Variants in KAT6B observed in about 807,000 individuals in gnomAD.
KAT6B encodes the protein lysine acetyltransferase 6B.
KAT6B carries 10 observed loss-of-function variants against 187.5 expected under a neutral mutation model. That is an observed-to-expected ratio of 0.05 (90% CI 0.03 to 0.09). KAT6B has a LOEUF of 0.09. Among genes scored for constraint, KAT6B ranks in the 10% least tolerant of loss-of-function variants. KAT6B has a pLI of 1.00. For missense variants in KAT6B, 1,952 were observed against 2,558.9 expected (o/e 0.76, Z 5.12); for synonymous variants, 861 against 926.8 (o/e 0.93, Z 1.29).
At chr10:74,941,912 C>T (rs886153320) in intron 3 of KAT6B, among the ~76,000 whole-genome samples, 5 of 152,108 alleles carry the variant, frequency 3.3e-5, no homozygotes, top group Non-Finnish European at 7.3e-5. Flanking sequence ...GAGGCCGAGG[C>T]GGGCAGATCA....
At chr10:74,864,023 T>A (rs529547678) in intron 3 of KAT6B, among the ~76,000 whole-genome samples, 26 of 152,216 alleles carry the variant, frequency 1.7e-4, no homozygotes, top group Non-Finnish European at 2.9e-4. Flanking sequence ...AGTGCTTATA[T>A]TTTTATGAGT....
At chr10:74,839,476 C>T (rs1322792884) in intron 2 of KAT6B, among the ~76,000 whole-genome samples, 2 of 152,076 alleles carry the variant, frequency 1.3e-5, no homozygotes, top group African/African-American at 2.4e-5. Context: ...GGGTGATCCA[C>T]CCGCCTTGGC....
At chr10:74,972,475 A>G in intron 6 of KAT6B, 32 bp from the exon 7 acceptor site, 3 of 1,447,830 alleles carry the variant, frequency 2.1e-6, no homozygotes, top group Non-Finnish European at 2.9e-6. Context: ...ATGAAACATT[A>G]AAATATTTTT....
At chr10:74,829,901 C>T (rs1442824331) in intron 1 of KAT6B, among the ~76,000 whole-genome samples, 1 of 151,330 alleles carries the variant, frequency 6.6e-6, no homozygotes, top group Non-Finnish European at 1.5e-5. Flanking sequence ...GCCTGTAGTC[C>T]CAGCTGCTCA....
At chr10:74,827,375 T>G (rs909223337) in intron 1 of KAT6B, 2 of 151,152 alleles carry the variant, frequency 1.3e-5, no homozygotes, top group African/African-American at 2.5e-5. Context: ...AGTGTTGGGT[T>G]TGGGGAGGCG....
At chr10:74,876,494 T>C (rs1464676414) in intron 3 of KAT6B, among the ~76,000 whole-genome samples, 2 of 152,252 alleles carry the variant, frequency 1.3e-5, no homozygotes, top group Non-Finnish European at 2.9e-5. Flanking sequence ...TTACACAGAA[T>C]TATTTCTCAA....
chr10:74,832,489 G>A (rs561187387), intron 1 of KAT6B, among the ~76,000 whole-genome samples: 1 of 152,032 alleles, frequency 6.6e-6, no homozygotes, highest in South Asian at 2.1e-4. Context: ...AGATTTTTTG[G>A]TATCTTCATT....
At chr10:74,864,101 C>G (rs1262223253) in intron 3 of KAT6B, among the ~76,000 whole-genome samples, 1 of 152,188 alleles carries the variant, frequency 6.6e-6, no homozygotes, top group African/African-American at 2.4e-5. Context: ...CAGGGTCTCT[C>G]TCTTTCAGCC....
At chr10:74,844,579 A>G (rs756006090) in intron 3 of KAT6B, among the ~76,000 whole-genome samples, 4 of 152,092 alleles carry the variant, frequency 2.6e-5, no homozygotes, top group Non-Finnish European at 5.9e-5. Context: ...TTTATTGTCC[A>G]CTTCTCTGTG....
At position 75,030,586 on chromosome 10, in the gene KAT6B, G is replaced by C; in HGVS notation, c.5762G>C (p.Gly1921Ala). Residue 1921 changes from glycine to alanine, a missense_variant, in exon 18 of 18, where the codon GGC becomes GCC. By Grantham distance (60) the Gly-to-Ala change is moderately conservative. Transcript: ENST00000287239. This position sits in a 1 kb window ranked among gnomAD's most constrained non-coding sequence, Gnocchi z 4.8. The part of the protein sequence containing the change: ...QRLQTQIASK[G>A]HISMRTKSAS... The stretch of plus-strand genomic sequence containing the variant: ...CTGCAAACCCAGATTGCCAGCAAGG[G>C]CCACATCTCCATGAGAACCAAGTCA... 6.2e-7 allele frequency: 1 copy of C among 1,610,936 alleles called. No individual in the cohort carries two copies. Among genetic ancestry groups the C allele is most frequent in the South Asian group, 1.1e-5 (1 of 91,042 alleles).
At chr10:74,945,694 C>G (rs1252310589) in intron 3 of KAT6B, among the ~76,000 whole-genome samples, 1 of 152,162 alleles carries the variant, frequency 6.6e-6, no homozygotes, top group Non-Finnish European at 1.5e-5. Context: ...AAGTGATCCG[C>G]CCGCCTCAGC....
intron 13 of KAT6B, among the ~76,000 whole-genome samples, chr10:75,001,064 C>G (rs762172901): frequency 1.3e-5 from 2 of 152,098 alleles, no homozygotes; most frequent in African/African-American, 2.4e-5. Flanking sequence ...CCCTGCCCCC[C>G]ACACACATAT....
intron 3 of KAT6B, among the ~76,000 whole-genome samples, chr10:74,945,723 T>C (rs1839902321): frequency 6.6e-6 from 1 of 152,110 alleles, no homozygotes; most frequent in Admixed American, 6.5e-5. Context: ...GTGCTGGGAT[T>C]ACAGGCATGA....
chr10:74,902,001 C>T (rs1846433726), intron 3 of KAT6B, among the ~76,000 whole-genome samples: 1 of 152,044 alleles, frequency 6.6e-6, no homozygotes, highest in South Asian at 2.1e-4. Context: ...TCTCCTTGTC[C>T]TCCTGTCCAC....
intron 13 of KAT6B, among the ~76,000 whole-genome samples, chr10:75,010,526 A>G (rs1844521922): frequency 6.6e-6 from 1 of 152,168 alleles, no homozygotes; most frequent in South Asian, 2.1e-4. Flanking sequence ...ATTACAACAT[A>G]CTTTGTCCTA....
At position 75,031,179 on chromosome 10, in the gene KAT6B, A is replaced by T. The variant is rs865808228; in HGVS notation, c.*133A>T. The T allele has an allele frequency of 3.7e-5, 27 of 738,004 alleles. No homozygotes were observed. In the Middle Eastern group the frequency reaches 3.0e-3, roughly 82 times the overall value. The allele number at this position is 738,004 out of a possible 1,614,324, so 45.7% of individuals were successfully genotyped here. On this transcript the variant is annotated 3_prime_UTR_variant, in exon 18 of 18. Transcript: ENST00000287239. ...AACATTTGTTGGCACCATTTATTTA[A>T]AAAAAAAAAAAGCTGTATGCAGCAG... is the stretch of plus-strand genomic sequence containing the variant.
At chr10:74,889,081 A>G (rs1374154890) in intron 3 of KAT6B, among the ~76,000 whole-genome samples, 1 of 152,170 alleles carries the variant, frequency 6.6e-6, no homozygotes, top group East Asian at 1.9e-4. Context: ...ATAAGATCTT[A>G]GATTTGATGA....
chr10:75,012,150 A>G (rs1844651471), intron 13 of KAT6B, among the ~76,000 whole-genome samples: 1 of 152,158 alleles, frequency 6.6e-6, no homozygotes, highest in African/African-American at 2.4e-5. Flanking sequence ...ACTTGAAGAC[A>G]GAAGAAGGAA....
chr10:74,941,652 G>A (rs1849672743), intron 3 of KAT6B, among the ~76,000 whole-genome samples: 1 of 151,830 alleles, frequency 6.6e-6, no homozygotes, highest in African/African-American at 2.4e-5. Context: ...ATCTGAATAG[G>A]TCTATAGCGA....
Sources: gnomAD v4.1 joint callset for allele counts (sites outside exome capture counted in the v4.1 genomes callset) on GRCh38, gnomAD v4.1.1 for gene constraint, Gnocchi (gnomAD v3.1) non-coding constraint, MANE v1.5 for transcripts, NCBI Gene and HGNC (gene_info 2026-07-23, HGNC 2026-07-21) for gene names.